Variants in VPS13D observed in about 807,000 individuals in gnomAD.
VPS13D encodes the protein intermembrane lipid transfer protein VPS13D.
In VPS13D, 187 loss-of-function variants were observed where a neutral mutation model predicts 461.9. The observed-to-expected ratio is 0.40, with a 90% CI of 0.36 to 0.46. The LOEUF (loss-of-function observed/expected upper bound fraction) is 0.46, where lower values mean the gene tolerates loss of function less well. VPS13D is among the 20% of genes least tolerant of loss of function. The pLI is 0.60. For missense variants in VPS13D, 4,711 were observed against 5,364.9 expected (o/e 0.88, Z 3.81); for synonymous variants, 1,951 against 1,986.3 (o/e 0.98, Z 0.47).
rs1431920739 is a variant in VPS13D at position 12,356,312 on chromosome 1, G to A, written c.9872-86G>A. ...TAGATTCAGTTTTCACTCTTTTCCC[G>A]CTTGATGGTTTTATTCATTCACCAT... On this transcript the variant is annotated intron_variant, in intron 48 of 69. Transcript: ENST00000620676. The A allele has an allele frequency of 7.4e-6, 11 of 1,490,268 alleles. No homozygotes were observed. The East Asian group carries it at 2.2e-4, about 30-fold the overall frequency. 92.3% of individuals were successfully genotyped at this position (1,490,268 alleles called of 1,614,324 possible).
chr1:12,325,650 A>G (rs989920502), intron 35 of VPS13D, among the ~76,000 whole-genome samples: 3 of 152,226 alleles, frequency 2.0e-5, no homozygotes, highest in Non-Finnish European at 2.9e-5. Context: ...TCTGTTGCCA[A>G]TACAATTTTA....
At position 12,267,078 on chromosome 1, in the gene VPS13D, A is replaced by C. The variant is rs113191066; in HGVS notation, c.1725+67A>C. The C allele has an allele frequency of 2.5e-5, 35 of 1,403,382 alleles. No individual in the cohort carries two copies. The African/African-American group carries it at 3.5e-4, about 14-fold the overall frequency. 86.9% of individuals were successfully genotyped at this position (1,403,382 alleles called of 1,614,324 possible). ...GTAAATTGTAGTCTGTTTTAGGCAA[A>C]TGATAACTGATTCATTCTGACATTT... On this transcript the variant is annotated intron_variant, in intron 14 of 69. Coordinates refer to ENST00000620676, the MANE Select transcript of VPS13D (RefSeq NM_015378.4).
At chr1:12,433,865 A>G (rs1570163061) in intron 65 of VPS13D, among the ~76,000 whole-genome samples, 1 of 150,126 alleles carries the variant, frequency 6.7e-6, no homozygotes, top group South Asian at 2.2e-4. Context: ...TGGCCAGGAT[A>G]GGATGTGAGC....
In VPS13D at chr1:12,234,174, T is replaced by G; in HGVS notation, c.-76-17T>G. 3 of 936,378 alleles carry G rather than the reference T, an allele frequency of 3.2e-6. No homozygotes were observed. 58.0% of individuals were successfully genotyped at this position (936,378 alleles called of 1,614,324 possible). ...CATCCTGTTTTTATGTTGATTTTCA[T>G]TATTTTCCTTTCATAGATTTTTCTG... is the stretch of plus-strand genomic sequence containing the variant. On this transcript the variant is annotated splice_polypyrimidine_tract_variant and intron_variant, in intron 1 of 69. Coordinates refer to ENST00000620676, the MANE Select transcript of VPS13D (RefSeq NM_015378.4).
chr1:12,407,891 A>T (rs183877623), intron 63 of VPS13D, among the ~76,000 whole-genome samples: 2,873 of 152,312 alleles, frequency 0.019, 108 homozygotes, highest in Admixed American at 0.099. Flanking sequence ...AAAGCTTTTT[A>T]CCTTAAGCCT....
rs1569894555 is a variant in VPS13D, at chr1:12,319,463, G to C, written c.7415-34G>C. On this transcript the variant is annotated intron_variant, in intron 31 of 69. Coordinates refer to ENST00000620676, the MANE Select transcript of VPS13D (RefSeq NM_015378.4). ...CAGCCTGGTGTTTTCCAGCTTCCCAGCTCTGGCTTGATTGACGACGTTGTC... is the reference window on the plus strand; with the variant it reads ...CAGCCTGGTGTTTTCCAGCTTCCCACCTCTGGCTTGATTGACGACGTTGTC... 2.5e-6 allele frequency: 4 copies of C among 1,612,714 alleles called. No homozygotes were observed. In the East Asian group the frequency reaches 6.7e-5, roughly 27 times the overall value.
chr1:12,270,819 A>G lies in VPS13D; in HGVS notation c.1973-175A>G, dbSNP rs371301056. On this transcript the variant is annotated intron_variant, in intron 16 of 69. Transcript: ENST00000620676. ...CAGCCTCAGTCTCCTGGGCTCAGGC[A>G]TCCTCCTGCCTTGGCCTCCCAAAGT... Among the ~76,000 whole-genome samples, 61 of 151,804 alleles carry G rather than the reference A, an allele frequency of 4.0e-4. 1 individual carries two copies. The highest frequency in any genetic ancestry group is 1.5e-3 in the African/African-American group (61 of 41,376).
intron 65 of VPS13D, among the ~76,000 whole-genome samples, chr1:12,445,419 C>T (rs1389288948): frequency 6.6e-6 from 1 of 152,150 alleles, no homozygotes; most frequent in African/African-American, 2.4e-5. Context: ...TTCCATAGTC[C>T]AGGACTTTTC....
intron 24 of VPS13D, among the ~76,000 whole-genome samples, chr1:12,294,696 C>G (rs1300542043): frequency 1.3e-5 from 2 of 152,076 alleles, no homozygotes; most frequent in Admixed American, 6.6e-5. Flanking sequence ...CCTGTAGTCC[C>G]AGCTATTCGG....
At chr1:12,344,868 C>T (rs1291989218) in intron 42 of VPS13D, 1 of 152,630 alleles carries the variant, frequency 6.6e-6, no homozygotes, top group Non-Finnish European at 1.5e-5. Flanking sequence ...TTCAGTCGAG[C>T]ACAGGAGCCC....
chr1:12,340,766 A>T (rs1478365209), intron 40 of VPS13D, among the ~76,000 whole-genome samples: 3 of 151,996 alleles, frequency 2.0e-5, no homozygotes, highest in African/African-American at 7.3e-5. Flanking sequence ...ATTGAGCCAC[A>T]CCTCCCTTTT....
At chr1:12,297,517 G>A (rs1642309485) in intron 24 of VPS13D, among the ~76,000 whole-genome samples, 1 of 152,170 alleles carries the variant, frequency 6.6e-6, no homozygotes, top group Non-Finnish European at 1.5e-5. Flanking sequence ...CCATCAGGGA[G>A]TTATTTTTCT....
chr1:12,266,823 C>G, intron 13 of VPS13D, 58 bp from the exon 14 acceptor site: 1 of 1,360,728 alleles, frequency 7.3e-7, no homozygotes, highest in Non-Finnish European at 9.7e-7. Flanking sequence ...CTAATATTTT[C>G]AAAAACACAT....
intron 15 of VPS13D, among the ~76,000 whole-genome samples, chr1:12,268,444 C>G (rs1180630371): frequency 6.6e-6 from 1 of 151,880 alleles, no homozygotes; most frequent in East Asian, 1.9e-4. Flanking sequence ...GAACTTGGGG[C>G]TAACTGGGCA....
chr1:12,472,857 A>G (rs897823160), intron 67 of VPS13D, among the ~76,000 whole-genome samples: 1 of 152,324 alleles, frequency 6.6e-6, no homozygotes, highest in Non-Finnish European at 1.5e-5. Context: ...GCATCACAGC[A>G]GCTTTTGCAC....
At chr1:12,385,668 A>G (rs1294536497) in intron 59 of VPS13D, among the ~76,000 whole-genome samples, 2 of 152,242 alleles carry the variant, frequency 1.3e-5, no homozygotes, top group African/African-American at 4.8e-5. Flanking sequence ...TTTTTGCTTC[A>G]GCCATCTCTG....
At chr1:12,459,677 C>T (rs1238099919) in intron 66 of VPS13D, among the ~76,000 whole-genome samples, 2 of 151,972 alleles carry the variant, frequency 1.3e-5, no homozygotes, top group Non-Finnish European at 2.9e-5. Flanking sequence ...TGGGGTTTCA[C>T]CATGTTGGCC....
At chr1:12,448,918 G>A (rs1222018428) in intron 65 of VPS13D, among the ~76,000 whole-genome samples, 1 of 152,218 alleles carries the variant, frequency 6.6e-6, no homozygotes, top group Non-Finnish European at 1.5e-5. Flanking sequence ...TTCAGCAGGC[G>A]TGTGTCTTGG....
intron 19 of VPS13D, 136 bp downstream of exon 19, chr1:12,278,174 A>C: frequency 1.1e-6 from 1 of 938,224 alleles, no homozygotes; most frequent in Non-Finnish European, 1.5e-6. Flanking sequence ...GAAATCAAAG[A>C]GTTTTAATAG....
Sources: allele counts gnomAD v4.1 joint callset (sites outside exome capture counted in the v4.1 genomes callset), GRCh38; gene constraint gnomAD v4.1.1; transcripts MANE v1.5; gene names NCBI Gene and HGNC (gene_info 2026-07-23, HGNC 2026-07-21).